OLFML2B: variants seen among roughly 807,000 people sequenced by gnomAD.
The protein encoded by OLFML2B is olfactomedin like 2B.
A neutral mutation model predicts 74.9 loss-of-function variants in OLFML2B; 57 were observed. That is an observed-to-expected ratio of 0.76 (90% CI 0.61 to 0.95). OLFML2B has a LOEUF of 0.95. Ranked by LOEUF, OLFML2B falls within the 40% of genes least tolerant of loss-of-function variation. OLFML2B has a pLI of 0.00. For synonymous variants in OLFML2B, 388 were observed against 405.8 expected (o/e 0.96, Z 0.53); for missense variants, 986 against 970.6 (o/e 1.02, Z -0.21).
At chr1:162,010,034 C>T (rs1016565872) in intron 3 of OLFML2B, among the ~76,000 whole-genome samples, 16 of 152,170 alleles carry the variant, frequency 1.1e-4, no homozygotes, top group Non-Finnish European at 2.1e-4. Context: ...GGCAATGTGG[C>T]GGCAGAGGTG....
intron 7 of OLFML2B, 68 bp downstream of exon 7, chr1:161,984,736 T>C (rs1282468981): frequency 6.6e-7 from 1 of 1,509,842 alleles, no homozygotes; most frequent in Non-Finnish European, 9.1e-7. Flanking sequence ...CAAAGAGGCC[T>C]GGCTGTGATA....
rs1178784519 is a variant in OLFML2B at position 161,996,896 on chromosome 1, G to A, written c.1474+929C>T. Among the ~76,000 whole-genome samples the A allele has an allele frequency of 5.3e-5, 8 of 152,152 alleles. No homozygotes were observed. The South Asian group carries it at 8.3e-4, about 16-fold the overall frequency. On this transcript the variant is annotated intron_variant, in intron 6 of 7. Coordinates refer to ENST00000294794, the MANE Select transcript of OLFML2B (RefSeq NM_015441.3). ...ATTCAGGCCCAGCGCAGTGGCTCAC[G>A]CCTGTAATCCCAACACTTTGGGAGG...
chr1:162,012,427 G>C (rs1181454417), intron 3 of OLFML2B, among the ~76,000 whole-genome samples: 1 of 152,250 alleles, frequency 6.6e-6, no homozygotes, highest in Non-Finnish European at 1.5e-5. Flanking sequence ...TTTAGGTGTG[G>C]GGGAGAAGCC....
chr1:162,014,295 T>C (rs1269214707), intron 3 of OLFML2B, among the ~76,000 whole-genome samples: 3 of 152,268 alleles, frequency 2.0e-5, no homozygotes, highest in Non-Finnish European at 4.4e-5. Flanking sequence ...CTCCCAGAGC[T>C]GATTTTACCA....
chr1:162,016,068 T>C (rs1482541321), intron 3 of OLFML2B, among the ~76,000 whole-genome samples: 1 of 152,082 alleles, frequency 6.6e-6, no homozygotes, highest in East Asian at 1.9e-4. Context: ...TCCGGGAAAA[T>C]TTTAAGGGGT....
At chr1:162,008,532 G>C (rs1690294262) in intron 3 of OLFML2B, among the ~76,000 whole-genome samples, 1 of 152,206 alleles carries the variant, frequency 6.6e-6, no homozygotes, top group Admixed American at 6.5e-5. Flanking sequence ...CAAAAAGCCG[G>C]AGAATACTTA....
intron 3 of OLFML2B, among the ~76,000 whole-genome samples, chr1:162,006,747 G>A (rs1283036216): frequency 6.6e-6 from 1 of 152,140 alleles, no homozygotes; most frequent in African/African-American, 2.4e-5. Flanking sequence ...ACATTGACAA[G>A]TCTCTGGGCC....
intron 1 of OLFML2B, 142 bp downstream of exon 1, chr1:162,023,115 T>C (rs1690773239): frequency 1.3e-6 from 1 of 750,544 alleles, no homozygotes; most frequent in Admixed American, 3.7e-5. Context: ...AAGAAAATAT[T>C]CCGATACATG....
chr1:162,020,167 C>T lies in OLFML2B; in HGVS notation c.190G>A (p.Asp64Asn). The change falls in exon 2 of 8, where the codon GAC becomes AAC. Residue 64 changes from aspartate (D) to asparagine (N), a missense_variant. Transcript: ENST00000294794. ...CCCTCAGACATAGCCTTGACCTTGT[C>T]ATAGTCCCCCAGCAACTAGACACAC... The part of the protein sequence containing the change: ...NVLSQLLGDY[D>N]KVKAMSEGSD... The T allele has an allele frequency of 6.2e-7, 1 of 1,614,100 alleles. No homozygotes were observed. The highest frequency in any genetic ancestry group is 8.5e-7 in the Non-Finnish European group (1 of 1,179,940).
chr1:162,013,170 A>G (rs1227769271), intron 3 of OLFML2B, among the ~76,000 whole-genome samples: 1 of 151,742 alleles, frequency 6.6e-6, no homozygotes, highest in Admixed American at 6.6e-5. Context: ...TAGACTTTTA[A>G]CTCCTATCTC....
chr1:161,998,546 G>A (rs530435700), intron 5 of OLFML2B, among the ~76,000 whole-genome samples, 197 bp from the exon 6 acceptor site: 5 of 152,294 alleles, frequency 3.3e-5, no homozygotes, highest in African/African-American at 1.2e-4. Context: ...TTTCCAGGGG[G>A]TTTCTCTGAA....
In OLFML2B at chr1:162,022,244, C is replaced by CTTTTTTTTTTTTTTTTTTTTTTTTTTT. The variant is rs56395023; in HGVS notation, c.174+1012_174+1013insAAAAAAAAAAAAAAAAAAAAAAAAAAA. On this transcript the variant is annotated intron_variant, in intron 1 of 7. Transcript: ENST00000294794. ...CCCTGGCTCTACCCATGTATCTCTT[C>CTTTTTTTTTTTTTTTTTTTTTTTTTTT]TTTTTTTTTTTTTTTTTTTTTTTTG... Among the ~76,000 whole-genome samples the CTTTTTTTTTTTTTTTTTTTTTTTTTTT allele has an allele frequency of 4.0e-4, 28 of 70,766 alleles. 1 individual carries two copies. The highest frequency in any genetic ancestry group is 4.7e-4 in the Non-Finnish European group (18 of 38,302). 46.4% of individuals were successfully genotyped at this position (70,766 alleles called of 152,430 possible). A position where few individuals can be genotyped will look rare whatever the true frequency, so the allele number is the denominator to read the frequency against.
intron 4 of OLFML2B, among the ~76,000 whole-genome samples, chr1:162,002,436 C>T (rs1339605053): frequency 6.6e-6 from 1 of 152,196 alleles, no homozygotes; most frequent in African/African-American, 2.4e-5. Context: ...GCCCAGTGCC[C>T]GGAGGCAGGG....
Position 162,017,467 on chromosome 1 carries a change from C to G in OLFML2B, c.479G>C (p.Gly160Ala). ...TGAATGTAGCTTCAGGAGATCCAGG[C>G]CATAGAACGCTCCTTCCAACATGTC... ...IIDMLEGAFYGLDLLKLHSVT... is the reference protein window; with the variant it reads ...IIDMLEGAFYALDLLKLHSVT... The change falls in exon 3 of 8, where the codon GGC becomes GCC. Residue 160 changes from glycine to alanine, a missense_variant. Transcript: ENST00000294794. 6.2e-7 allele frequency: 1 copy of G among 1,613,390 alleles called. No individual in the cohort carries two copies. Among genetic ancestry groups the G allele is most frequent in the South Asian group, 1.1e-5 (1 of 90,870 alleles).
chr1:161,994,733 C>A (rs77464565), intron 6 of OLFML2B, among the ~76,000 whole-genome samples: 3 of 152,174 alleles, frequency 2.0e-5, no homozygotes, highest in African/African-American at 4.8e-5. Context: ...AGCTACACTA[C>A]GGCCAAATGT....
chr1:162,010,615 G>A (rs766490857), intron 3 of OLFML2B, among the ~76,000 whole-genome samples: 5 of 152,156 alleles, frequency 3.3e-5, no homozygotes, highest in Admixed American at 2.0e-4. Context: ...ACACGTGTGC[G>A]TGTGCCCGGG....
chr1:162,022,826 C>G (rs1260298723), intron 1 of OLFML2B, among the ~76,000 whole-genome samples: 2 of 152,196 alleles, frequency 1.3e-5, no homozygotes, highest in Admixed American at 1.3e-4. Context: ...TCACCCCATG[C>G]TCCCGCCTGG....
Position 161,998,281 on chromosome 1 carries a change from C to G in OLFML2B, c.1018G>C (p.Gly340Arg). The change falls in exon 6 of 8, where the codon GGC (glycine) becomes CGC (arginine). Residue 340 changes from glycine (G) to arginine (R), a missense_variant. Gly to Arg is a moderately radical substitution (Grantham distance 125, BLOSUM62 -2). Transcript: ENST00000294794. The part of the protein sequence containing the change: ...LIEDQLLRHN[G>R]LMTSVTRRPA... ...CTCCGGGTGACACTGGTCATCAGGC[C>G]GTTGTGTCTCAGGAGCTGATCTTCA... 1 of 1,601,774 alleles carries G rather than the reference C, an allele frequency of 6.2e-7. No homozygotes were observed. The highest frequency in any genetic ancestry group is 8.5e-7 in the Non-Finnish European group (1 of 1,170,382).
rs1689960993 is a variant in OLFML2B at position 161,997,923 on chromosome 1, G to A, written c.1376C>T (p.Thr459Ile). Residue 459 changes from threonine (T) to isoleucine (I), a missense_variant, in exon 6 of 8, where the codon ACA becomes ATA. Transcript: ENST00000294794. ...TVPVPPTTVR[T>I]DSLGKDAPAG... ...AGGAGCATCTTTCCCCAGCGAGTCT[G>A]TTCTGACTGTGGTGGGAGGCACTGG... 1 of 1,614,222 alleles carries A rather than the reference G, an allele frequency of 6.2e-7. No homozygotes were observed. The highest frequency in any genetic ancestry group is 2.2e-5 in the East Asian group (1 of 44,890).
Sources: allele counts gnomAD v4.1 joint callset (sites outside exome capture counted in the v4.1 genomes callset), GRCh38; gene constraint gnomAD v4.1.1; transcripts MANE v1.5; gene names NCBI Gene and HGNC (gene_info 2026-07-23, HGNC 2026-07-21).